The following CCR7 variants were observed in gnomAD, a reference collection of about 807,000 sequenced individuals.
CCR7 encodes the protein C-C motif chemokine receptor 7, also known as C-C chemokine receptor type 7.
A neutral mutation model predicts 26.0 loss-of-function variants in CCR7; 11 were observed. The observed-to-expected ratio is 0.42, with a 90% CI of 0.27 to 0.70. CCR7 has a LOEUF of 0.70. Among genes scored for constraint, CCR7 ranks in the 30% least tolerant of loss-of-function variants. The pLI, the probability that CCR7 is intolerant of heterozygous loss-of-function variation, is 0.23. For synonymous variants in CCR7, 189 were observed against 202.1 expected (o/e 0.94, Z 0.55); for missense variants, 360 against 504.0 (o/e 0.71, Z 2.74).
intron 1 of CCR7, chr17:40,560,906 C>T (rs2036648225): frequency 6.6e-6 from 1 of 152,316 alleles, no homozygotes; most frequent in South Asian, 2.1e-4. Context: ...GCTCATTCCC[C>T]TTTTTCACTG....
In CCR7 at chr17:40,558,946, T is replaced by G; in HGVS notation, c.11-4A>C. 1.9e-6 allele frequency: 3 copies of G among 1,609,216 alleles called. No individual in the cohort carries two copies. In the South Asian group the frequency reaches 3.3e-5, roughly 18 times the overall value. On this transcript the variant is annotated splice_polypyrimidine_tract_variant and splice_region_variant and intron_variant, in intron 1 of 2. Transcript: ENST00000246657. ...AGCACGCTTTTCATTGGTTTCCCTG[T>G]AGGAGACAAGGCGAGAAAGTTATTG...
intron 2 of CCR7, among the ~76,000 whole-genome samples, chr17:40,557,241 T>C (rs1243121916): frequency 6.6e-6 from 1 of 152,206 alleles, no homozygotes; most frequent in Non-Finnish European, 1.5e-5. Flanking sequence ...AGGGGGTCCA[T>C]GCCTGCCCCT....
At chr17:40,564,101 G>C (rs1481379777) in intron 1 of CCR7, among the ~76,000 whole-genome samples, 2 of 152,018 alleles carry the variant, frequency 1.3e-5, no homozygotes, top group Non-Finnish European at 2.9e-5. Context: ...GTGATGGGGG[G>C]TGGTGGAGGG....
chr17:40,555,108 C>T lies in CCR7; in HGVS notation c.771G>A (p.Glu257=), dbSNP rs763302777. ...TGATCACCTTGATGGCCTTGTTGCG[C>T]TCAAAGTTGCGTGCCTGGAGCAGGG... ...IRTLLQARNF[E]RNKAIKVIIA... The change falls in exon 3 of 3, where the codon GAG becomes GAA. Residue 257 remains glutamate, a synonymous_variant. Transcript: ENST00000246657. This position sits in a 1 kb window ranked among gnomAD's most constrained non-coding sequence, Gnocchi z 5.6. 4 of 1,614,142 alleles carry T rather than the reference C, an allele frequency of 2.5e-6. No homozygotes were observed. The Admixed American group carries it at 6.7e-5, about 27-fold the overall frequency.
At chr17:40,561,044 A>C (rs1412470887) in intron 1 of CCR7, 1 of 152,198 alleles carries the variant, frequency 6.6e-6, no homozygotes, top group Non-Finnish European at 1.5e-5. Flanking sequence ...TAAAACACGT[A>C]AGTGTCTTTC....
Position 40,558,808 on chromosome 17 carries a change from C to A in CCR7, c.60+85G>T, listed in dbSNP as rs1597723714. ...TATGTCTGGGTCTTGTATCTTCTAG[C>A]AAATGCCCAGCTCCTCCACTAAACC... On this transcript the variant is annotated intron_variant, in intron 2 of 2. Coordinates refer to ENST00000246657, the MANE Select transcript of CCR7 (RefSeq NM_001838.4). 23 of 1,208,640 alleles carry A rather than the reference C, an allele frequency of 1.9e-5. No individual in the cohort carries two copies. The East Asian group carries it at 5.2e-4, about 27-fold the overall frequency. The allele number at this position is 1,208,640 out of a possible 1,614,324, so 74.9% of individuals were successfully genotyped here.
At chr17:40,565,106 G>A (rs1468583939) in intron 1 of CCR7, among the ~76,000 whole-genome samples, 1 of 151,942 alleles carries the variant, frequency 6.6e-6, no homozygotes, top group Non-Finnish European at 1.5e-5. Flanking sequence ...GCCCAGCCCC[G>A]CCACTCTCTT....
chr17:40,560,487 A>C (rs2036642496), intron 1 of CCR7, among the ~76,000 whole-genome samples: 1 of 152,160 alleles, frequency 6.6e-6, no homozygotes, highest in Non-Finnish European at 1.5e-5. Flanking sequence ...CCCAGGTTGC[A>C]GTTGGTTAAT....
chr17:40,558,996 T>C, intron 1 of CCR7, 54 bp from the exon 2 acceptor site: 1 of 1,492,728 alleles, frequency 6.7e-7, no homozygotes, highest in Non-Finnish European at 9.2e-7. Context: ...GTCTTTGTTA[T>C]TAAAGAAAGC....
Position 40,565,462 on chromosome 17 carries a change from T to C in CCR7, c.-53A>G. 1 of 1,593,772 alleles carries C rather than the reference T, an allele frequency of 6.3e-7. No homozygotes were observed. The highest frequency in any genetic ancestry group is 8.6e-7 in the Non-Finnish European group (1 of 1,161,500). On this transcript the variant is annotated 5_prime_UTR_variant, in exon 1 of 3. Transcript: ENST00000246657. ...AGGAAGGCTGTGCCCGGCCTCGCACTACCCCTGTCTGGGGAGGAAGTGGTT... is the reference window on the plus strand; with the variant it reads ...AGGAAGGCTGTGCCCGGCCTCGCACCACCCCTGTCTGGGGAGGAAGTGGTT...
At chr17:40,556,327 G>A (rs1009288986) in intron 2 of CCR7, among the ~76,000 whole-genome samples, 8 of 152,244 alleles carry the variant, frequency 5.3e-5, no homozygotes, top group East Asian at 1.9e-4. Flanking sequence ...ACTCCAATAC[G>A]CATCACCTGA....
intron 1 of CCR7, among the ~76,000 whole-genome samples, 164 bp downstream of exon 1, chr17:40,565,236 G>A (rs2036697012): frequency 6.6e-6 from 1 of 152,100 alleles, no homozygotes; most frequent in African/African-American, 2.4e-5. Flanking sequence ...GACAGCAGGG[G>A]GCATTCTCTG....
chr17:40,565,355 C>G (rs1444687171), intron 1 of CCR7, 45 bp downstream of exon 1: 1 of 1,572,248 alleles, frequency 6.4e-7, no homozygotes. Context: ...TCTGGGTGTC[C>G]AAGACCCTGG....
At chr17:40,558,969 T>C (rs1386727622) in intron 1 of CCR7, 27 bp from the exon 2 acceptor site, 2 of 1,593,982 alleles carry the variant, frequency 1.3e-6, no homozygotes, top group South Asian at 2.3e-5. Context: ...GAGAAAGTTA[T>C]TGCTTGGCAG....
intron 1 of CCR7, among the ~76,000 whole-genome samples, chr17:40,563,623 G>A (rs1429792829): frequency 2.0e-5 from 3 of 152,022 alleles, no homozygotes; most frequent in African/African-American, 7.2e-5. Context: ...CCCCATCAAC[G>A]GCCCAGAGAG....
At chr17:40,559,344 G>A (rs1192609576) in intron 1 of CCR7, among the ~76,000 whole-genome samples, 4 of 152,232 alleles carry the variant, frequency 2.6e-5, no homozygotes, top group Non-Finnish European at 5.9e-5. Flanking sequence ...AGGCGGCAAA[G>A]CTATGAGGTC....
chr17:40,558,958 C>A lies in CCR7; in HGVS notation c.11-16G>T. 2 of 1,601,914 alleles carry A rather than the reference C, an allele frequency of 1.2e-6. No individual in the cohort carries two copies. Among genetic ancestry groups the A allele is most frequent in the Non-Finnish European group, 1.7e-6 (2 of 1,174,626 alleles). ...ATTGGTTTCCCTGTAGGAGACAAGGCGAGAAAGTTATTGCTTGGCAGGGAC... is the reference window on the plus strand; with the variant it reads ...ATTGGTTTCCCTGTAGGAGACAAGGAGAGAAAGTTATTGCTTGGCAGGGAC... On this transcript the variant is annotated splice_polypyrimidine_tract_variant and intron_variant, in intron 1 of 2. Coordinates refer to ENST00000246657, the MANE Select transcript of CCR7 (RefSeq NM_001838.4).
chr17:40,559,361 T>C (rs2036628879), intron 1 of CCR7, among the ~76,000 whole-genome samples: 1 of 152,120 alleles, frequency 6.6e-6, no homozygotes, highest in African/African-American at 2.4e-5. Context: ...GGTCGTGGGG[T>C]AGGTGCACAC....
At position 40,554,666 on chromosome 17, in the gene CCR7, G is replaced by T; in HGVS notation, c.*76C>A. 1.7e-6 allele frequency: 2 copies of T among 1,152,804 alleles called. No individual in the cohort carries two copies. Among genetic ancestry groups the T allele is most frequent in the South Asian group, 1.5e-5 (1 of 67,646 alleles). 71.4% of individuals were successfully genotyped at this position (1,152,804 alleles called of 1,614,324 possible). Reference sequence around the variant, plus strand: ...GCAGCTTTTGGCGGGGGGATGTCCTGAGTCATTGCATCTGCTCCCTATCCC... The same window carrying T: ...GCAGCTTTTGGCGGGGGGATGTCCTTAGTCATTGCATCTGCTCCCTATCCC... On this transcript the variant is annotated 3_prime_UTR_variant, in exon 3 of 3. Transcript: ENST00000246657.
Sources: allele counts gnomAD v4.1 joint callset (sites outside exome capture counted in the v4.1 genomes callset), GRCh38; gene constraint gnomAD v4.1.1; non-coding constraint Gnocchi (gnomAD v3.1); transcripts MANE v1.5; gene names NCBI Gene and HGNC (gene_info 2026-07-23, HGNC 2026-07-21).